Variants in ULK4 observed in about 807,000 individuals in gnomAD.
ULK4 encodes unc-51 like kinase 4.
ULK4 carries 133 observed loss-of-function variants against 160.6 expected under a neutral mutation model. The ratio of observed to expected loss-of-function variants is 0.83; its 90% CI spans 0.72 to 0.96. The LOEUF is 0.96. Ranked by LOEUF, ULK4 falls within the 40% of genes least tolerant of loss-of-function variation. The probability of loss-of-function intolerance (pLI) is 0.00; values close to 1 mark genes in which losing one functional copy is unlikely to be tolerated. For missense variants in ULK4, 1,580 were observed against 1,499.5 expected, an observed-to-expected ratio of 1.05 and a Z score of -0.89; for synonymous variants, 534 against 539.8, an observed-to-expected ratio of 0.99 and a Z score of 0.15.
At chr3:41,249,740 CAG>C (rs2078710200) in intron 35 of ULK4, among the ~76,000 whole-genome samples, 166 bp from the exon 36 acceptor site, 1 of 152,164 alleles carries the variant, frequency 6.6e-6, no homozygotes, top group African/African-American at 2.4e-5. Context: ...ACCTCCCCCA[CAG>C]AGTGTTGCTG....
chr3:41,945,520 C>T (rs1700086619), intron 2 of ULK4, among the ~76,000 whole-genome samples: 1 of 152,182 alleles, frequency 6.6e-6, no homozygotes, highest in South Asian at 2.1e-4. Context: ...TTTGCTGGGT[C>T]CTCCTTCTCC....
intron 32 of ULK4, among the ~76,000 whole-genome samples, chr3:41,477,871 C>G (rs2084192776): frequency 6.6e-6 from 1 of 152,222 alleles, no homozygotes; most frequent in African/African-American, 2.4e-5. Context: ...TGAGGTTAAA[C>G]ATTTCTGAAT....
At chr3:41,605,717 GTAAAGA>G (rs982846275) in intron 31 of ULK4, among the ~76,000 whole-genome samples, 5 of 151,916 alleles carry the variant, frequency 3.3e-5, no homozygotes, top group Admixed American at 6.6e-5. Flanking sequence ...AGAAAACCAG[GTAAAGA>G]TAAAGATGAC....
chr3:41,951,644 T>G (rs1233831472), intron 2 of ULK4, among the ~76,000 whole-genome samples: 1 of 152,204 alleles, frequency 6.6e-6, no homozygotes, highest in African/African-American at 2.4e-5. Context: ...GATATCCACA[T>G]GTAAAAGAGA....
intron 35 of ULK4, among the ~76,000 whole-genome samples, chr3:41,349,856 T>A (rs1298200152): frequency 6.6e-6 from 1 of 152,192 alleles, no homozygotes; most frequent in Non-Finnish European, 1.5e-5. Flanking sequence ...AATTTTTCTA[T>A]AAATAATTTT....
rs531505701 is a variant in ULK4, at chr3:41,298,230, C to T, written c.3679-48656G>A. On this transcript the variant is annotated intron_variant, in intron 35 of 36. Transcript: ENST00000301831. ...CTACTGAAATACTTTAAAAAATTGG[C>T]TTTTGGTTTTTCTGATGGATGAACT... Among the ~76,000 whole-genome samples, 7 of 152,280 alleles carry T rather than the reference C, an allele frequency of 4.6e-5. No homozygotes were observed. In the South Asian group the frequency reaches 1.5e-3, roughly 32 times the overall value.
At chr3:41,883,663 C>T (rs1697604305) in intron 17 of ULK4, among the ~76,000 whole-genome samples, 1 of 152,140 alleles carries the variant, frequency 6.6e-6, no homozygotes, top group Non-Finnish European at 1.5e-5. Context: ...GCCTTGTTAA[C>T]TCTGCTGTGC....
chr3:41,550,504 T>C (rs945263723), intron 32 of ULK4, among the ~76,000 whole-genome samples: 1 of 151,776 alleles, frequency 6.6e-6, no homozygotes, highest in Non-Finnish European at 1.5e-5. Context: ...TAAGATAAAA[T>C]ACACTCAAAA....
At chr3:41,407,918 A>C (rs891001585) in intron 34 of ULK4, among the ~76,000 whole-genome samples, 1 of 152,168 alleles carries the variant, frequency 6.6e-6, no homozygotes, top group Non-Finnish European at 1.5e-5. Flanking sequence ...CAGAAGATAT[A>C]ATCTTATACA....
intron 22 of ULK4, among the ~76,000 whole-genome samples, chr3:41,731,287 C>A (rs1195275383): frequency 6.6e-6 from 1 of 151,744 alleles, no homozygotes; most frequent in Non-Finnish European, 1.5e-5. Flanking sequence ...CTAAAGGCTC[C>A]ACCAAAAAAC....
intron 22 of ULK4, among the ~76,000 whole-genome samples, chr3:41,720,218 T>G (rs1490929982): frequency 2.0e-5 from 3 of 152,182 alleles, no homozygotes; most frequent in African/African-American, 7.2e-5. Flanking sequence ...CACCACACCC[T>G]TCCACTTCTG....
At chr3:41,391,791 G>GAATAGTGGAATAGAATTT (rs2081962545) in intron 35 of ULK4, among the ~76,000 whole-genome samples, 1 of 151,898 alleles carries the variant, frequency 6.6e-6, no homozygotes, top group Non-Finnish European at 1.5e-5. Flanking sequence ...AAGACCACAG[G>GAATAGTGGAATAGAATTT]GTAAAGATTC....
chr3:41,784,551 A>C (rs969426163), intron 21 of ULK4, among the ~76,000 whole-genome samples: 1 of 152,228 alleles, frequency 6.6e-6, no homozygotes, highest in Non-Finnish European at 1.5e-5. Context: ...TTTTAACATC[A>C]CAGTGTATGG....
In ULK4 at chr3:41,581,502, T is replaced by G. The variant is rs1199162734; in HGVS notation, c.3121-15372A>C. ...ACAATTTGTTGGTTTTTCATCATTT[T>G]GAATAGTCTTCCCTGCTAACATCCT... On this transcript the variant is annotated intron_variant, in intron 31 of 36. Transcript: ENST00000301831. 9.9e-5 allele frequency among the ~76,000 whole-genome samples: 15 copies of G among 152,234 alleles called. 1 individual carries two copies. The highest frequency in any genetic ancestry group is 9.8e-4 in the Admixed American group (15 of 15,286).
intron 20 of ULK4, among the ~76,000 whole-genome samples, chr3:41,790,170 T>C (rs1439070788): frequency 6.6e-6 from 1 of 152,224 alleles, no homozygotes; most frequent in Non-Finnish European, 1.5e-5. Flanking sequence ...AACTAAGTGC[T>C]GAAAAACAGT....
At chr3:41,909,226 A>T (rs1559643399) in intron 11 of ULK4, among the ~76,000 whole-genome samples, 1 of 152,096 alleles carries the variant, frequency 6.6e-6, no homozygotes. Flanking sequence ...GCACCACTGC[A>T]TTCCAGCCTG....
chr3:41,948,204 A>G (rs1700170946), intron 2 of ULK4, among the ~76,000 whole-genome samples: 1 of 152,026 alleles, frequency 6.6e-6, no homozygotes, highest in South Asian at 2.1e-4. Context: ...TAATCCCGGC[A>G]TTTCGGGAGG....
At position 41,445,544 on chromosome 3, in the gene ULK4, G is replaced by T. The variant is rs527495758; in HGVS notation, c.3492+9953C>A. ...AACAGAGATATAGATCAATGGAACA[G>T]AACAGAGCCCTCAGAAATAATGCCG... On this transcript the variant is annotated intron_variant, in intron 34 of 36. Coordinates refer to ENST00000301831, the MANE Select transcript of ULK4 (RefSeq NM_017886.4). 4.0e-3 allele frequency among the ~76,000 whole-genome samples: 611 copies of T among 152,054 alleles called. 2 individuals are homozygous for T. The highest frequency in any genetic ancestry group is 0.014 in the African/African-American group (587 of 41,520).
At chr3:41,350,237 C>G (rs970502469) in intron 35 of ULK4, among the ~76,000 whole-genome samples, 3 of 152,138 alleles carry the variant, frequency 2.0e-5, no homozygotes, top group African/African-American at 7.2e-5. Flanking sequence ...TGTTCTTGAT[C>G]TTTTGCTTTT....
Sources: allele counts gnomAD v4.1 joint callset (sites outside exome capture counted in the v4.1 genomes callset), GRCh38; gene constraint gnomAD v4.1.1; transcripts MANE v1.5; gene names NCBI Gene and HGNC (gene_info 2026-07-23, HGNC 2026-07-21).